PRSS12: variants seen among roughly 807,000 people sequenced by gnomAD.
PRSS12 encodes the protein serine protease 12.
PRSS12 carries 85 observed loss-of-function variants against 104.4 expected under a neutral mutation model. That is an observed-to-expected ratio of 0.81 (90% CI 0.68 to 0.98). PRSS12 has a LOEUF of 0.98. Ranked by LOEUF, PRSS12 falls within the 50% of genes least tolerant of loss-of-function variation. The pLI is 0.00. For missense variants in PRSS12, 1,141 were observed against 1,139.2 expected (o/e 1.00, Z -0.02); for synonymous variants, 454 against 425.2 (o/e 1.07, Z -0.83).
intron 9 of PRSS12, among the ~76,000 whole-genome samples, chr4:118,297,239 A>G (rs1461632173): frequency 6.6e-6 from 1 of 152,200 alleles, no homozygotes; most frequent in Non-Finnish European, 1.5e-5. Flanking sequence ...TTTTACTTGA[A>G]GTATGGTAGC....
intron 4 of PRSS12, among the ~76,000 whole-genome samples, chr4:118,327,146 G>A (rs1723794564): frequency 6.6e-6 from 1 of 151,960 alleles, no homozygotes; most frequent in Non-Finnish European, 1.5e-5. Context: ...TAAAATAAAA[G>A]AGCAAAGAAA....
intron 11 of PRSS12, among the ~76,000 whole-genome samples, chr4:118,291,898 T>A (rs1317988146): frequency 6.6e-6 from 1 of 152,148 alleles, no homozygotes; most frequent in Non-Finnish European, 1.5e-5. Flanking sequence ...AAAGGCAGCA[T>A]TTTATTTCAT....
intron 4 of PRSS12, among the ~76,000 whole-genome samples, 189 bp from the exon 5 acceptor site, chr4:118,318,745 C>A (rs705838): frequency 0.83 from 126,464 of 151,504 alleles, 54,437 homozygotes; most frequent in South Asian, 0.95. Flanking sequence ...CAGCCATTAC[C>A]CATGTTTCAA....
Position 118,331,671 on chromosome 4 carries a change from A to G in PRSS12, c.971+45T>C, listed in dbSNP as rs1336686597. 4.3e-6 allele frequency: 7 copies of G among 1,612,658 alleles called. No individual in the cohort carries two copies. The South Asian group carries it at 5.5e-5, about 13-fold the overall frequency. On this transcript the variant is annotated intron_variant, in intron 4 of 12. Coordinates refer to ENST00000296498, the MANE Select transcript of PRSS12 (RefSeq NM_003619.4). Reference sequence around the variant, plus strand: ...GCACCTGCCTTTGGGTATGGAAATAATAAGATTCAAAAGTTTAAGCAAAAC... The same window carrying G: ...GCACCTGCCTTTGGGTATGGAAATAGTAAGATTCAAAAGTTTAAGCAAAAC...
At chr4:118,292,689 A>G (rs1429079520) in intron 11 of PRSS12, among the ~76,000 whole-genome samples, 1 of 152,188 alleles carries the variant, frequency 6.6e-6, no homozygotes, top group Non-Finnish European at 1.5e-5. Flanking sequence ...GAATGTGTTA[A>G]ACCCACTAGT....
Position 118,348,927 on chromosome 4 carries a change from C to T in PRSS12, c.502+3292G>A, listed in dbSNP as rs114130924. Among the ~76,000 whole-genome samples the T allele has an allele frequency of 7.3e-3, 1,106 of 152,254 alleles. 14 individuals carry two copies. Among genetic ancestry groups the T allele is most frequent in the African/African-American group, 0.025 (1,021 of 41,546 alleles). ...TCAGCCTCCCAAAGTGCTAGGATTA[C>T]AAGCGACAGCTACCGCGCCCAGCCC... is the stretch of plus-strand genomic sequence containing the variant. On this transcript the variant is annotated intron_variant, in intron 1 of 12. Transcript: ENST00000296498.
At chr4:118,305,942 T>C (rs72677042) in intron 8 of PRSS12, 1 of 152,316 alleles carries the variant, frequency 6.6e-6, no homozygotes, top group Non-Finnish European at 1.5e-5. Flanking sequence ...TACACATACA[T>C]ACCACATTTT....
intron 11 of PRSS12, among the ~76,000 whole-genome samples, chr4:118,286,576 T>C (rs1743019279): frequency 6.6e-6 from 1 of 152,186 alleles, no homozygotes; most frequent in South Asian, 2.1e-4. Context: ...GACCATGTCA[T>C]GATCACTATT....
In PRSS12 at chr4:118,352,418, G is replaced by T; in HGVS notation, c.303C>A (p.Ser101Arg). The T allele has an allele frequency of 6.5e-7, 1 of 1,527,484 alleles. No individual in the cohort carries two copies. The highest frequency in any genetic ancestry group is 2.5e-5 in the East Asian group (1 of 40,098). The allele number at this position is 1,527,484 out of a possible 1,614,324, so 94.6% of individuals were successfully genotyped here. The part of the protein sequence containing the change: ...WGCPAGEPWV[S>R]VTDFGAPCLR... ...GACACGGGGCGCCGAAGTCCGTCAC[G>T]CTGACCCATGGCTCGCCGGCGGGGC... Residue 101 changes from serine (S) to arginine (R), a missense_variant, in exon 1 of 13, where the codon AGC becomes AGA. By Grantham distance (110) the Ser-to-Arg change is moderately radical. Transcript: ENST00000296498.
chr4:118,341,021 T>A (rs916809135), intron 1 of PRSS12, among the ~76,000 whole-genome samples: 1 of 152,162 alleles, frequency 6.6e-6, no homozygotes, highest in Non-Finnish European at 1.5e-5. Context: ...GTCAGATAAA[T>A]TTTTAAGGCC....
Position 118,283,000 on chromosome 4 carries a change from C to T in PRSS12, c.2151G>A (p.Glu717=), listed in dbSNP as rs1331954489. ...IGVQQIVIHR[E]YRPDRSDYDI... Reference sequence around the variant, plus strand: ...CATAATCACTGCGGTCGGGTCGATACTCCCGATGAATCACAATCTGTTGAA... The same window carrying T: ...CATAATCACTGCGGTCGGGTCGATATTCCCGATGAATCACAATCTGTTGAA... Residue 717 remains glutamate (E), a synonymous_variant, in exon 12 of 13, where the codon GAG becomes GAA. Coordinates refer to ENST00000296498, the MANE Select transcript of PRSS12 (RefSeq NM_003619.4). The T allele has an allele frequency of 1.9e-6, 3 of 1,614,036 alleles. No homozygotes were observed. The highest frequency in any genetic ancestry group is 1.1e-5 in the South Asian group (1 of 91,084).
chr4:118,291,303 G>T (rs557896530), intron 11 of PRSS12, among the ~76,000 whole-genome samples: 1 of 152,148 alleles, frequency 6.6e-6, no homozygotes, highest in East Asian at 1.9e-4. Context: ...CATAGCTTTT[G>T]CTTTCTCACC....
intron 2 of PRSS12, among the ~76,000 whole-genome samples, chr4:118,336,478 C>T (rs1724067412): frequency 6.6e-6 from 1 of 152,118 alleles, no homozygotes; most frequent in African/African-American, 2.4e-5. Flanking sequence ...ATCAACCAAA[C>T]TGTAAATATT....
intron 9 of PRSS12, among the ~76,000 whole-genome samples, 184 bp from the exon 10 acceptor site, chr4:118,296,040 A>G (rs1743247144): frequency 6.6e-6 from 1 of 152,244 alleles, no homozygotes; most frequent in African/African-American, 2.4e-5. Flanking sequence ...TTGCAAGTAG[A>G]CAAGAAACAT....
chr4:118,335,369 T>G, intron 3 of PRSS12, 104 bp downstream of exon 3: 1 of 1,328,096 alleles, frequency 7.5e-7, no homozygotes, highest in South Asian at 1.4e-5. Flanking sequence ...TTTCTGTAAT[T>G]AAAGTCTTTA....
chr4:118,303,015 G>C (rs916959353), intron 8 of PRSS12, among the ~76,000 whole-genome samples: 1 of 152,036 alleles, frequency 6.6e-6, no homozygotes, highest in Non-Finnish European at 1.5e-5. Context: ...AAGTTTCAGA[G>C]GTGAGAATGG....
At position 118,347,786 on chromosome 4, in the gene PRSS12, T is replaced by C. The variant is rs989984136; in HGVS notation, c.502+4433A>G. ...TCACTGCAGCCTCTATCTCCTGGCC[T>C]CAAGTGATCCCCTTGCCCCAGCCTC... is the stretch of plus-strand genomic sequence containing the variant. On this transcript the variant is annotated intron_variant, in intron 1 of 12. Transcript: ENST00000296498. Among the ~76,000 whole-genome samples the C allele has an allele frequency of 2.6e-4, 39 of 152,362 alleles. 3 individuals carry two copies. The highest frequency in any genetic ancestry group is 1.9e-3 in the Admixed American group (29 of 15,300).
chr4:118,289,171 G>A (rs1300458176), intron 11 of PRSS12, among the ~76,000 whole-genome samples: 3 of 152,098 alleles, frequency 2.0e-5, no homozygotes, highest in Non-Finnish European at 4.4e-5. Flanking sequence ...AGATTATTCT[G>A]ATACAAAGAT....
At chr4:118,297,735 GA>G in intron 9 of PRSS12, among the ~76,000 whole-genome samples, 1 of 152,198 alleles carries the variant, frequency 6.6e-6, no homozygotes, top group South Asian at 2.1e-4. Context: ...CAGTGTATCA[GA>G]ACTATAAACT....
Sources: allele counts gnomAD v4.1 joint callset (sites outside exome capture counted in the v4.1 genomes callset), GRCh38; gene constraint gnomAD v4.1.1; transcripts MANE v1.5; gene names NCBI Gene and HGNC (gene_info 2026-07-23, HGNC 2026-07-21).